TNS3: variants seen among roughly 807,000 people sequenced by gnomAD.
TNS3 encodes tensin 3, also known as tensin-3.
TNS3 carries 45 observed loss-of-function variants against 140.9 expected under a neutral mutation model. The observed-to-expected ratio is 0.32, with a 90% CI of 0.25 to 0.41. TNS3 has a LOEUF of 0.41. Among genes scored for constraint, TNS3 ranks in the 10% least tolerant of loss-of-function variants. The pLI, the probability that TNS3 is intolerant of heterozygous loss-of-function variation, is 1.00. For synonymous variants in TNS3, 815 were observed against 788.4 expected (o/e 1.03, Z -0.56); for missense variants, 1,716 against 1,906.7 (o/e 0.90, Z 1.86).
At chr7:47,464,095 A>G (rs1390710479) in intron 4 of TNS3, among the ~76,000 whole-genome samples, 1 of 152,174 alleles carries the variant, frequency 6.6e-6, no homozygotes, top group Non-Finnish European at 1.5e-5. Flanking sequence ...GCAAAGCCTT[A>G]GAGGAATCCT....
At chr7:47,463,578 G>C (rs565235457) in intron 4 of TNS3, among the ~76,000 whole-genome samples, 1 of 152,162 alleles carries the variant, frequency 6.6e-6, no homozygotes, top group Non-Finnish European at 1.5e-5. Flanking sequence ...AGGGACACTG[G>C]ACATCACATC....
chr7:47,330,411 C>T (rs1584414514), intron 20 of TNS3, among the ~76,000 whole-genome samples: 1 of 152,198 alleles, frequency 6.6e-6, no homozygotes, highest in East Asian at 1.9e-4. Context: ...TCCACTTACC[C>T]ATCAGAAAAC....
Position 47,368,469 on chromosome 7 carries a change from T to G in TNS3, c.2177A>C (p.Gln726Pro). Residue 726 changes from glutamine (Q) to proline (P), a missense_variant, in exon 17 of 31, where the codon CAG (glutamine) becomes CCG (proline). Transcript: ENST00000311160. ...GTCTGGAGACACAGAGCCATTGGCC[T>G]GGCTACCGAGGGCGTTCATGTGGGT... is the stretch of plus-strand genomic sequence containing the variant. ...IPTHMNALGS[Q>P]ANGSVSPDSV... 1 of 1,589,468 alleles carries G rather than the reference T, an allele frequency of 6.3e-7. No homozygotes were observed.
intron 10 of TNS3, among the ~76,000 whole-genome samples, chr7:47,420,134 C>CA (rs2151454209): frequency 6.6e-6 from 1 of 152,290 alleles, no homozygotes; most frequent in South Asian, 2.1e-4. Context: ...CTCCTTGTAT[C>CA]TTTAAAGTAT....
intron 23 of TNS3, among the ~76,000 whole-genome samples, chr7:47,299,084 A>G (rs1475555777): frequency 1.3e-5 from 2 of 152,238 alleles, no homozygotes; most frequent in Non-Finnish European, 2.9e-5. Flanking sequence ...ACGTTTTCTC[A>G]CAGCGTAGTC....
At chr7:47,340,163 G>A (rs547825783) in intron 20 of TNS3, among the ~76,000 whole-genome samples, 19 of 112,332 alleles carry the variant, frequency 1.7e-4, no homozygotes, top group Admixed American at 6.6e-4. Context: ...CTAGCTCGTC[G>A]CCAGGCTGGA....
rs575259867 is a variant in TNS3, at chr7:47,389,085, A to T, written c.1024+7715T>A. Among the ~76,000 whole-genome samples, 207 of 69,352 alleles carry T rather than the reference A, an allele frequency of 3.0e-3. 39 individuals carry two copies. The highest frequency in any genetic ancestry group is 0.015 in the East Asian group (23 of 1,544). 45.5% of individuals were successfully genotyped at this position (69,352 alleles called of 152,430 possible). A position where few individuals can be genotyped will look rare whatever the true frequency, so the allele number is the denominator to read the frequency against. ...GAAGAAGAAGAAGAAGAAGAAGAAG[A>T]GGAAGAGGAAGAGGAAGCGGAAGCA... On this transcript the variant is annotated intron_variant, in intron 16 of 30. Coordinates refer to ENST00000311160, the MANE Select transcript of TNS3 (RefSeq NM_022748.12).
intron 4 of TNS3, among the ~76,000 whole-genome samples, chr7:47,448,767 G>A (rs763723411): frequency 1.3e-4 from 20 of 152,144 alleles, no homozygotes; most frequent in Non-Finnish European, 1.9e-4. Context: ...GTAAGCCACC[G>A]CTCCCAGCCA....
chr7:47,386,587 G>A (rs113029464), intron 16 of TNS3, among the ~76,000 whole-genome samples: 2,709 of 152,268 alleles, frequency 0.018, 53 homozygotes, highest in African/African-American at 0.054. Context: ...AGGTCTCCCC[G>A]ACAGACAGCC....
chr7:47,570,284 G>A (rs1208922803), intron 1 of TNS3, among the ~76,000 whole-genome samples: 1 of 152,234 alleles, frequency 6.6e-6, no homozygotes, highest in Non-Finnish European at 1.5e-5. Context: ...GTACAGATTT[G>A]AAGGAAACAA....
At position 47,399,782 on chromosome 7, in the gene TNS3, T is replaced by G. The variant is rs544829743; in HGVS notation, c.919+611A>C. Among the ~76,000 whole-genome samples the G allele has an allele frequency of 7.9e-5, 12 of 152,312 alleles. No homozygotes were observed. In the South Asian group the frequency reaches 2.5e-3, roughly 32 times the overall value. The stretch of plus-strand genomic sequence containing the variant: ...TTTGCCTAGGCAAATAATCCATGAC[T>G]AAGACCCCAAAAGCAAATGCAACAG... On this transcript the variant is annotated intron_variant, in intron 15 of 30. Coordinates refer to ENST00000311160, the MANE Select transcript of TNS3 (RefSeq NM_022748.12).
chr7:47,439,651 T>C lies in TNS3; in HGVS notation c.-15A>G. On this transcript the variant is annotated 5_prime_UTR_variant, in exon 6 of 31. Coordinates refer to ENST00000311160, the MANE Select transcript of TNS3 (RefSeq NM_022748.12). Reference sequence around the variant, plus strand: ...CCCTCCTCCATGGTGGGACTCAGGATGACGGGCCTGCGAGAGAGCAGTGGG... The same window carrying C: ...CCCTCCTCCATGGTGGGACTCAGGACGACGGGCCTGCGAGAGAGCAGTGGG... The C allele has an allele frequency of 6.2e-7, 1 of 1,613,862 alleles. No homozygotes were observed. The highest frequency in any genetic ancestry group is 8.5e-7 in the Non-Finnish European group (1 of 1,179,920).
At chr7:47,318,911 C>A (rs995724943) in intron 20 of TNS3, among the ~76,000 whole-genome samples, 27 of 152,318 alleles carry the variant, frequency 1.8e-4, no homozygotes, top group African/African-American at 6.3e-4. Flanking sequence ...CTGGACTTGT[C>A]CACAGGACAG....
intron 1 of TNS3, among the ~76,000 whole-genome samples, chr7:47,559,842 C>G (rs1486686652): frequency 6.6e-6 from 1 of 152,164 alleles, no homozygotes; most frequent in Non-Finnish European, 1.5e-5. Context: ...TAGCATAGGA[C>G]AAGGAAACCC....
chr7:47,409,415 G>C (rs991269445), intron 13 of TNS3, among the ~76,000 whole-genome samples: 1 of 152,088 alleles, frequency 6.6e-6, no homozygotes, highest in African/African-American at 2.4e-5. Context: ...CTTGGTGGGC[G>C]GTAGGGGGGA....
At chr7:47,383,193 A>G (rs1213465049) in intron 16 of TNS3, among the ~76,000 whole-genome samples, 3 of 152,236 alleles carry the variant, frequency 2.0e-5, no homozygotes, top group Non-Finnish European at 4.4e-5. Flanking sequence ...ATGAATAGGC[A>G]GAGTGTGGTG....
intron 4 of TNS3, among the ~76,000 whole-genome samples, chr7:47,442,926 G>T (rs909493948): frequency 6.6e-6 from 1 of 152,204 alleles, no homozygotes; most frequent in Non-Finnish European, 1.5e-5. Context: ...AGCTCACCTG[G>T]ACTCCTTAGG....
chr7:47,424,642 C>T (rs1002898535), intron 9 of TNS3, among the ~76,000 whole-genome samples: 2 of 152,134 alleles, frequency 1.3e-5, no homozygotes, highest in Non-Finnish European at 2.9e-5. Context: ...CAGGGAGCAA[C>T]CCAGGGCAGG....
At chr7:47,356,938 A>G (rs924341566) in intron 17 of TNS3, among the ~76,000 whole-genome samples, 1 of 151,152 alleles carries the variant, frequency 6.6e-6, no homozygotes, top group African/African-American at 2.4e-5. Context: ...AAAAAAAAAA[A>G]TGATCCAGGC....
Sources: allele counts gnomAD v4.1 joint callset (sites outside exome capture counted in the v4.1 genomes callset), GRCh38; gene constraint gnomAD v4.1.1; transcripts MANE v1.5; gene names NCBI Gene and HGNC (gene_info 2026-07-23, HGNC 2026-07-21).